ADARB2: variants seen among roughly 807,000 people sequenced by gnomAD.
The protein encoded by ADARB2 is adenosine deaminase RNA specific B2 (inactive), also known as inactive double-stranded RNA-specific editase B2.
In ADARB2, 25 loss-of-function variants were observed where a neutral mutation model predicts 62.2. The observed-to-expected ratio is 0.40, with a 90% CI of 0.29 to 0.56. The LOEUF is 0.56. Ranked by LOEUF, ADARB2 falls within the 20% of genes least tolerant of loss-of-function variation. The pLI is 0.43. For synonymous variants in ADARB2, 572 were observed against 500.8 expected, an observed-to-expected ratio of 1.14 and a Z score of -1.90; for missense variants, 1,071 against 1,077.4, an observed-to-expected ratio of 0.99 and a Z score of 0.08.
intron 1 of ADARB2, among the ~76,000 whole-genome samples, chr10:1,630,574 G>A (rs748710917): frequency 1.3e-4 from 20 of 152,190 alleles, no homozygotes; most frequent in Non-Finnish European, 2.6e-4. Flanking sequence ...GAGGGGGTGT[G>A]TGCTGGATCC....
chr10:1,441,995 T>C (rs1337111040), intron 1 of ADARB2, among the ~76,000 whole-genome samples: 1 of 152,168 alleles, frequency 6.6e-6, no homozygotes, highest in Non-Finnish European at 1.5e-5. Context: ...AAAACAAAAT[T>C]CAGTTTCAGT....
intron 1 of ADARB2, among the ~76,000 whole-genome samples, chr10:1,416,140 G>T (rs1191339202): frequency 6.6e-6 from 1 of 152,230 alleles, no homozygotes; most frequent in Non-Finnish European, 1.5e-5. Flanking sequence ...CCCTCCTGCA[G>T]GTTCTTAGAT....
At chr10:1,654,991 C>G (rs750055619) in intron 1 of ADARB2, among the ~76,000 whole-genome samples, 12 of 152,248 alleles carry the variant, frequency 7.9e-5, no homozygotes, top group Non-Finnish European at 1.2e-4. Flanking sequence ...GCCATCAGCA[C>G]AGCAGGCAGG....
chr10:1,333,017 C>A (rs1414175085), intron 3 of ADARB2, among the ~76,000 whole-genome samples: 1 of 152,192 alleles, frequency 6.6e-6, no homozygotes, highest in Non-Finnish European at 1.5e-5. Context: ...GATTTCTGGT[C>A]TCCAGCCCTC....
At chr10:1,548,231 C>T (rs1832556460) in intron 1 of ADARB2, among the ~76,000 whole-genome samples, 1 of 152,178 alleles carries the variant, frequency 6.6e-6, no homozygotes, top group Non-Finnish European at 1.5e-5. Context: ...TCTGGGGGAA[C>T]TAAGCCCATT....
chr10:1,697,035 GTTC>G (rs764298254), intron 1 of ADARB2, among the ~76,000 whole-genome samples: 16 of 152,116 alleles, frequency 1.1e-4, no homozygotes, highest in South Asian at 6.2e-4. Context: ...GCCCAAGACA[GTTC>G]TTCTTCTGAT....
At chr10:1,329,545 C>T (rs1831908138) in intron 3 of ADARB2, among the ~76,000 whole-genome samples, 1 of 152,220 alleles carries the variant, frequency 6.6e-6, no homozygotes, top group Non-Finnish European at 1.5e-5. Context: ...TCTTGGTCTC[C>T]TGACCCTTGC....
At chr10:1,456,187 A>T (rs1831093490) in intron 1 of ADARB2, among the ~76,000 whole-genome samples, 2 of 152,156 alleles carry the variant, frequency 1.3e-5, no homozygotes, top group South Asian at 4.2e-4. Flanking sequence ...AGCTTAGAAA[A>T]CTTTTTAGAC....
intron 1 of ADARB2, among the ~76,000 whole-genome samples, chr10:1,529,003 T>C (rs1832184127): frequency 6.6e-6 from 1 of 152,166 alleles, no homozygotes. Flanking sequence ...TGGGACAAGA[T>C]GTTGCTTGTG....
At chr10:1,512,422 A>G (rs774149058) in intron 1 of ADARB2, among the ~76,000 whole-genome samples, 1 of 152,204 alleles carries the variant, frequency 6.6e-6, no homozygotes, top group Non-Finnish European at 1.5e-5. Flanking sequence ...TTAAGTCTAC[A>G]CTGGATACCA....
At chr10:1,373,944 CCGCGTGGGCTCCGCGCACCTTTCCTAGT>C (rs1341466999) in intron 2 of ADARB2, among the ~76,000 whole-genome samples, 7 of 148,214 alleles carry the variant, frequency 4.7e-5, no homozygotes, top group African/African-American at 1.6e-4. Flanking sequence ...CCTAGTGAAA[CCGCGTGGGCTCCGCGCACCTTTCCTAGT>C]GAAACCGCGT....
intron 1 of ADARB2, among the ~76,000 whole-genome samples, chr10:1,594,093 C>A (rs1833301433): frequency 6.6e-6 from 1 of 152,102 alleles, no homozygotes; most frequent in African/African-American, 2.4e-5. Context: ...AGTTCGGGAC[C>A]AGCCTGGCCA....
At chr10:1,448,868 C>A (rs1178884520) in intron 1 of ADARB2, among the ~76,000 whole-genome samples, 1 of 152,176 alleles carries the variant, frequency 6.6e-6, no homozygotes, top group Admixed American at 6.5e-5. Flanking sequence ...TTCCCACCAA[C>A]AGCCAGAGCC....
intron 1 of ADARB2, among the ~76,000 whole-genome samples, chr10:1,556,460 G>T (rs1276412641): frequency 6.6e-6 from 1 of 152,016 alleles, no homozygotes; most frequent in Non-Finnish European, 1.5e-5. Flanking sequence ...CTTCCTCCTT[G>T]TCTCTAAATA....
intron 3 of ADARB2, among the ~76,000 whole-genome samples, chr10:1,326,782 T>G (rs12360085): frequency 1.9e-5 from 1 of 51,754 alleles, no homozygotes; most frequent in African/African-American, 6.4e-5. Context: ...CAGCCCCTCC[T>G]CACTGCCCAG....
intron 1 of ADARB2, among the ~76,000 whole-genome samples, chr10:1,632,355 C>T (rs564958556): frequency 2.0e-4 from 30 of 152,084 alleles, no homozygotes; most frequent in Admixed American, 5.2e-4. Flanking sequence ...ACACAGTACA[C>T]GTATACTCAC....
chr10:1,302,818 C>T (rs1031932712), intron 3 of ADARB2, among the ~76,000 whole-genome samples: 2 of 152,172 alleles, frequency 1.3e-5, no homozygotes, highest in African/African-American at 4.8e-5. Context: ...GCTGAGGGTC[C>T]TGTCTGTTAG....
At chr10:1,240,246 TC>T (rs1170741400) in intron 5 of ADARB2, 1 of 108,756 alleles carries the variant, frequency 9.2e-6, no homozygotes. Context: ...CGGTGTTTAC[TC>T]CCCTCTGCCT....
intron 1 of ADARB2, among the ~76,000 whole-genome samples, chr10:1,576,085 GCTCAGGGCCACGGGAGGGGGCTCAGA>G (rs1564335551): frequency 1.5e-3 from 144 of 96,886 alleles, no homozygotes; most frequent in Non-Finnish European, 2.1e-3. Context: ...ACAGGAGGGG[GCTCAGGGCCACGGGAGGGGGCTCAGA>G]GTCACAGGAG....
Sources: gnomAD v4.1 joint callset for allele counts (sites outside exome capture counted in the v4.1 genomes callset) on GRCh38, gnomAD v4.1.1 for gene constraint, MANE v1.5 for transcripts, NCBI Gene and HGNC (gene_info 2026-07-23, HGNC 2026-07-21) for gene names.